CASP9: variants seen among roughly 807,000 people sequenced by gnomAD.
CASP9 encodes the protein caspase-9.
A neutral mutation model predicts 43.5 loss-of-function variants in CASP9; 29 were observed. That is an observed-to-expected ratio of 0.67 (90% CI 0.50 to 0.91). CASP9 has a LOEUF of 0.91. CASP9 is among the 40% of genes least tolerant of loss of function. The probability of loss-of-function intolerance (pLI) is 0.00; values close to 1 mark genes in which losing one functional copy is unlikely to be tolerated. For synonymous variants in CASP9, 206 were observed against 211.9 expected, an observed-to-expected ratio of 0.97 and a Z score of 0.24; for missense variants, 575 against 537.4, an observed-to-expected ratio of 1.07 and a Z score of -0.69.
At chr1:15,524,822 C>T (rs1031284217), upstream of CASP9, 2 of 974,248 alleles carry the variant, frequency 2.1e-6, no homozygotes, top group South Asian at 4.4e-5. Flanking sequence ...AGGATTCGCT[C>T]TGCGTCATCG....
At chr1:15,520,475 T>C (rs973708316) in intron 1 of CASP9, among the ~76,000 whole-genome samples, 15 of 152,380 alleles carry the variant, frequency 9.8e-5, no homozygotes, top group Admixed American at 2.0e-4. Flanking sequence ...CTTTGTTGCA[T>C]TGCTAATATA....
intron 6 of CASP9, among the ~76,000 whole-genome samples, chr1:15,500,791 G>A (rs1057328093): frequency 4.6e-5 from 7 of 152,088 alleles, no homozygotes; most frequent in Admixed American, 6.5e-5. Context: ...CTGTGGGGGC[G>A]GAGGGATGCC....
intron 6 of CASP9, among the ~76,000 whole-genome samples, chr1:15,497,027 G>A (rs1709126966): frequency 6.6e-6 from 1 of 151,778 alleles, no homozygotes; most frequent in Non-Finnish European, 1.5e-5. Flanking sequence ...AAAAGAAAAA[G>A]AGCCGGGCAC....
chr1:15,518,411 G>A lies in CASP9; in HGVS notation c.133-16C>T, dbSNP rs1365392200. 6.2e-7 allele frequency: 1 copy of A among 1,605,100 alleles called. No homozygotes were observed. The highest frequency in any genetic ancestry group is 1.1e-5 in the South Asian group (1 of 90,930). On this transcript the variant is annotated splice_polypyrimidine_tract_variant and intron_variant, in intron 1 of 8. Coordinates refer to ENST00000333868, the MANE Select transcript of CASP9 (RefSeq NM_001229.5). ...AGCCTGCCCGCTGTTTGGAAAGAAA[G>A]GCAGGATACTAATTATCCACGTACT...
Position 15,506,988 on chromosome 1 carries a change from T to C in CASP9, c.541A>G (p.Thr181Ala), listed in dbSNP as rs767018392. The C allele has an allele frequency of 8.7e-6, 14 of 1,614,034 alleles. No individual in the cohort carries two copies. Among genetic ancestry groups the C allele is most frequent in the Non-Finnish European group, 1.2e-5 (14 of 1,180,040 alleles). ...FCRESGLRTR[T>A]GSNIDCEKLR... ...TTCTCACAGTCGATGTTGGAGCCAG[T>C]GCGGGTGCGGAGCCCGGACTCACGG... The change falls in exon 4 of 9, where the codon ACT (threonine) becomes GCT (alanine). Residue 181 changes from threonine to alanine, a missense_variant. By Grantham distance (58) the Thr-to-Ala change is moderately conservative (BLOSUM62 0). Transcript: ENST00000333868.
chr1:15,508,009 C>T, intron 2 of CASP9, 102 bp from the exon 3 acceptor site: 1 of 1,114,816 alleles, frequency 9.0e-7, no homozygotes, highest in Non-Finnish European at 1.3e-6. Context: ...GCAGCGAGAA[C>T]TCAGACCCTC....
At position 15,518,308 on chromosome 1, in the gene CASP9, T is replaced by C. The variant is rs1384265114; in HGVS notation, c.220A>G (p.Ile74Val). The C allele has an allele frequency of 4.3e-6, 7 of 1,614,038 alleles. No individual in the cohort carries two copies. The highest frequency in any genetic ancestry group is 5.9e-6 in the Non-Finnish European group (7 of 1,180,032). The change falls in exon 2 of 9, where the codon ATC (isoleucine) becomes GTC (valine). Residue 74 changes from isoleucine to valine, a missense_variant. Physicochemically the swap from Ile to Val is conservative, Grantham distance 29 (BLOSUM62 3). Coordinates refer to ENST00000333868, the MANE Select transcript of CASP9 (RefSeq NM_001229.5). ...TRGSQALPLFISCLEDTGQDM... is the reference protein window; with the variant it reads ...TRGSQALPLFVSCLEDTGQDM... ...TGGCCTGTGTCCTCTAAGCAGGAGA[T>C]GAACAAAGGAAGAGCCTGACTCCCT...
At chr1:15,524,697 C>T (rs1710381512), upstream of CASP9, 1 of 1,052,332 alleles carries the variant, frequency 9.5e-7, no homozygotes, top group South Asian at 2.7e-5. Flanking sequence ...CAGGACGCCT[C>T]CGCGCCTCGC....
upstream of CASP9, chr1:15,524,343 C>T (rs1021471468): frequency 1.4e-6 from 2 of 1,416,144 alleles, no homozygotes; most frequent in African/African-American, 1.5e-5. Context: ...CCACCGCCTC[C>T]GGACGCATCT....
At position 15,492,710 on chromosome 1, in the gene CASP9, C is replaced by A; in HGVS notation, c.*233G>T. ...CACTAGCCCTGGACCAGCCACTGCTCAAGAGGCCACGTGCAATCCACGGCA... is the reference window on the plus strand; with the variant it reads ...CACTAGCCCTGGACCAGCCACTGCTAAAGAGGCCACGTGCAATCCACGGCA... On this transcript the variant is annotated 3_prime_UTR_variant, in exon 9 of 9. Coordinates refer to ENST00000333868, the MANE Select transcript of CASP9 (RefSeq NM_001229.5). 1 of 585,382 alleles carries A rather than the reference C, an allele frequency of 1.7e-6. No individual in the cohort carries two copies. The highest frequency in any genetic ancestry group is 1.9e-5 in the African/African-American group (1 of 53,724). 36.3% of individuals were successfully genotyped at this position (585,382 alleles called of 1,614,324 possible). A position where few individuals can be genotyped will look rare whatever the true frequency, so the allele number is the denominator to read the frequency against.
intron 7 of CASP9, among the ~76,000 whole-genome samples, chr1:15,494,589 C>T (rs1022058731): frequency 4.5e-4 from 66 of 146,100 alleles, no homozygotes; most frequent in African/African-American, 1.5e-3. Flanking sequence ...AAAGGCTGGG[C>T]GCGGTGGCTC....
chr1:15,524,568 T>A, upstream of CASP9: 1 of 313,202 alleles, frequency 3.2e-6, no homozygotes, highest in Non-Finnish European at 3.9e-6. Flanking sequence ...ACCCGCCCCG[T>A]ATCCCCGCAC....
intron 6 of CASP9, among the ~76,000 whole-genome samples, chr1:15,496,972 G>A (rs933199476): frequency 6.6e-5 from 10 of 151,944 alleles, no homozygotes; most frequent in Non-Finnish European, 8.8e-5. Context: ...CAGTGATCGC[G>A]CCACTGCACT....
Position 15,504,669 on chromosome 1 carries a change from G to T in CASP9, c.810C>A (p.Thr270=). Residue 270 remains threonine, a synonymous_variant, in exon 6 of 9, where the codon ACC becomes ACA. Coordinates refer to ENST00000333868, the MANE Select transcript of CASP9 (RefSeq NM_001229.5). Reference sequence around the variant, plus strand: ...GCTTCCCTCCCAGGCTGGGGCAGCTGGTCCCATTGAAGATGTTCACAATCT... The same window carrying T: ...GCTTCCCTCCCAGGCTGGGGCAGCTTGTCCCATTGAAGATGTTCACAATCT... ...VEKIVNIFNG[T]SCPSLGGKPK... 2 of 1,614,182 alleles carry T rather than the reference G, an allele frequency of 1.2e-6. No homozygotes were observed. The highest frequency in any genetic ancestry group is 1.7e-6 in the Non-Finnish European group (2 of 1,180,004).
Position 15,492,680 on chromosome 1 carries a change from C to G in CASP9, c.*263G>C. On this transcript the variant is annotated 3_prime_UTR_variant, in exon 9 of 9. Transcript: ENST00000333868. ...GAGACAACACAGGGATCATGGGACACAAGTCACTAGCCCTGGACCAGCCAC... is the reference window on the plus strand; with the variant it reads ...GAGACAACACAGGGATCATGGGACAGAAGTCACTAGCCCTGGACCAGCCAC... The G allele has an allele frequency of 1.9e-6, 1 of 524,590 alleles. No individual in the cohort carries two copies. Among genetic ancestry groups the G allele is most frequent in the Non-Finnish European group, 3.4e-6 (1 of 293,004 alleles). The allele number at this position is 524,590 out of a possible 1,614,324, so 32.5% of individuals were successfully genotyped here.
intron 6 of CASP9, among the ~76,000 whole-genome samples, chr1:15,500,334 C>A (rs1208378007): frequency 1.3e-5 from 2 of 152,154 alleles, no homozygotes; most frequent in Non-Finnish European, 1.5e-5. Flanking sequence ...GCAACGCAGG[C>A]AGGTTTGCAT....
At chr1:15,501,096 T>C (rs1399741527) in intron 6 of CASP9, among the ~76,000 whole-genome samples, 1 of 152,110 alleles carries the variant, frequency 6.6e-6, no homozygotes, top group Non-Finnish European at 1.5e-5. Context: ...AGAATAAATA[T>C]ACAGTAGGAG....
At chr1:15,524,523 C>A (rs1362609104), upstream of CASP9, 32 of 533,106 alleles carry the variant, frequency 6.0e-5, no homozygotes, top group Non-Finnish European at 7.3e-5. Flanking sequence ...GTCACCGCCC[C>A]GCTCCAGAAT....
Position 15,507,039 on chromosome 1 carries a change from G to A in CASP9, c.490C>T (p.Leu164Phe). Residue 164 changes from leucine to phenylalanine, a missense_variant, in exon 4 of 9, where the codon CTC becomes TTC. Physicochemically the swap from Leu to Phe is conservative, Grantham distance 22 (BLOSUM62 0). Coordinates refer to ENST00000333868, the MANE Select transcript of CASP9 (RefSeq NM_001229.5). ...CAGAAGTTCACATTGTTGATAATGA[G>A]GCAGTGGCCACAGGGCTCCATGCTC... ...ILSMEPCGHC[L>F]IINNVNFCRE... 2 of 1,614,192 alleles carry A rather than the reference G, an allele frequency of 1.2e-6. No homozygotes were observed. Among genetic ancestry groups the A allele is most frequent in the Non-Finnish European group, 1.7e-6 (2 of 1,180,012 alleles).
Sources: allele counts gnomAD v4.1 joint callset (sites outside exome capture counted in the v4.1 genomes callset), GRCh38; gene constraint gnomAD v4.1.1; transcripts MANE v1.5; gene names NCBI Gene and HGNC (gene_info 2026-07-23, HGNC 2026-07-21).